Variants in CBR4 observed in about 807,000 individuals in gnomAD.
CBR4 encodes the protein 3-oxoacyl-[acyl-carrier-protein] reductase.
A neutral mutation model predicts 21.0 loss-of-function variants in CBR4; 22 were observed. The observed-to-expected ratio is 1.05, with a 90% CI of 0.75 to 1.50. CBR4 has a LOEUF of 1.50. Ranked by LOEUF, CBR4 falls within the 40% of genes most tolerant of loss-of-function variation. The pLI, the probability that CBR4 is intolerant of heterozygous loss-of-function variation, is 0.00. For missense variants in CBR4, 302 were observed against 286.3 expected (o/e 1.05, Z -0.40); for synonymous variants, 100 against 104.4 (o/e 0.96, Z 0.26).
chr4:168,938,102 TAACA>T (rs1475551873), intron 2 of CBR4, among the ~76,000 whole-genome samples: 1 of 152,174 alleles, frequency 6.6e-6, no homozygotes, highest in Non-Finnish European at 1.5e-5. Flanking sequence ...ATGGAAATCA[TAACA>T]AACAGTCTGT....
In CBR4 at chr4:168,988,100, C is replaced by G. The variant is rs1223276384; in HGVS notation, c.*2050G>C. On this transcript the variant is annotated 3_prime_UTR_variant, in exon 5 of 5. Coordinates refer to ENST00000306193, the MANE Select transcript of CBR4 (RefSeq NM_032783.5). ...TGAATTCACTGAGGTTCTTAAACCTCTGAACATAAGGCAACAGTTCACAAC... is the reference window on the plus strand; with the variant it reads ...TGAATTCACTGAGGTTCTTAAACCTGTGAACATAAGGCAACAGTTCACAAC... 20 of 985,202 alleles carry G rather than the reference C, an allele frequency of 2.0e-5. No individual in the cohort carries two copies. Among genetic ancestry groups the G allele is most frequent in the Non-Finnish European group, 2.4e-5 (20 of 829,886 alleles). 61.0% of individuals were successfully genotyped at this position (985,202 alleles called of 1,614,324 possible). A position where few individuals can be genotyped will look rare whatever the true frequency, so the allele number is the denominator to read the frequency against.
At position 168,905,790 on chromosome 4, in the gene CBR4, CTTT is replaced by C. The variant is rs59427697; in HGVS notation, n.170-11028_170-11026del. On this transcript the variant is annotated intron_variant and non_coding_transcript_variant, in intron 2 of 3. Coordinates refer to the CBR4 transcript ENST00000509108. ...ACAAAAGCGGAACTTGCTTTTTTTT[CTTT>C]TTTTTTTTTTTTTTTTTCTTTTTTG... Among the ~76,000 whole-genome samples the C allele has an allele frequency of 6.4e-3, 719 of 113,136 alleles. 5 individuals carry two copies. Among genetic ancestry groups the C allele is most frequent in the African/African-American group, 0.021 (669 of 31,150 alleles). The allele number at this position is 113,136 out of a possible 152,430, so 74.2% of individuals were successfully genotyped here. A position where few individuals can be genotyped will look rare whatever the true frequency, so the allele number is the denominator to read the frequency against.
intron 2 of CBR4, among the ~76,000 whole-genome samples, chr4:168,961,952 G>GGAGAGGAGAC (rs1361776995): frequency 7.1e-4 from 1 of 1,418 alleles, no homozygotes; most frequent in Non-Finnish European, 1.6e-3. Flanking sequence ...GGAGAGGAGA[G>GGAGAGGAGAC]GAGAGGAGAG....
chr4:169,000,203 G>A (rs1343909609), intron 4 of CBR4, among the ~76,000 whole-genome samples: 1 of 152,076 alleles, frequency 6.6e-6, no homozygotes, highest in Non-Finnish European at 1.5e-5. Context: ...AAATCAATCA[G>A]CTTGCATAAA....
At chr4:169,005,874 G>A (rs1163369958) in intron 3 of CBR4, 1 of 1,287,604 alleles carries the variant, frequency 7.8e-7, no homozygotes, top group South Asian at 1.2e-5. Flanking sequence ...TAAAAGAACA[G>A]GGTCACTTAC....
intron 2 of CBR4, among the ~76,000 whole-genome samples, chr4:168,977,493 A>G (rs1242750281): frequency 1.3e-5 from 2 of 152,210 alleles, no homozygotes; most frequent in African/African-American, 4.8e-5. Context: ...AGTGCCTGAC[A>G]ATAGTAAATA....
intron 2 of CBR4, among the ~76,000 whole-genome samples, chr4:168,934,481 T>C (rs1423457605): frequency 6.6e-6 from 1 of 150,530 alleles, no homozygotes; most frequent in East Asian, 2.0e-4. Context: ...ATAAACAAAA[T>C]CAAAAACAAA....
At chr4:168,986,640 T>C (rs1438677062), downstream of CBR4, among the ~76,000 whole-genome samples, 8 of 152,174 alleles carry the variant, frequency 5.3e-5, no homozygotes, top group African/African-American at 1.9e-4. Flanking sequence ...ATGAACAATC[T>C]GAATACTTAA....
intron 2 of CBR4, among the ~76,000 whole-genome samples, chr4:168,955,713 G>C (rs1467324239): frequency 1.3e-5 from 2 of 152,028 alleles, no homozygotes; most frequent in African/African-American, 2.4e-5. Flanking sequence ...AAGATTAAAG[G>C]CTGGGAAAAC....
intron 2 of CBR4, among the ~76,000 whole-genome samples, chr4:168,923,083 A>G (rs929018135): frequency 1.3e-5 from 2 of 152,242 alleles, no homozygotes; most frequent in Non-Finnish European, 2.9e-5. Flanking sequence ...CTGCACAGCA[A>G]TGCTGCAAAG....
At chr4:168,980,063 G>A (rs548052238) in intron 2 of CBR4, among the ~76,000 whole-genome samples, 144 of 152,154 alleles carry the variant, frequency 9.5e-4, no homozygotes, top group Middle Eastern at 6.8e-3. Flanking sequence ...GTATATCCCT[G>A]GGGTGCAACC....
rs190322269 is a variant in CBR4 at position 168,959,842 on chromosome 4, C to T, written n.169+42229G>A. On this transcript the variant is annotated intron_variant and non_coding_transcript_variant, in intron 2 of 3. Coordinates refer to the CBR4 transcript ENST00000509108. Reference sequence around the variant, plus strand: ...CCTCCCAAAGTTCTGGGATTACAGGCGTGAGCCACCACGCCCAGCCTCAAT... The same window carrying T: ...CCTCCCAAAGTTCTGGGATTACAGGTGTGAGCCACCACGCCCAGCCTCAAT... Among the ~76,000 whole-genome samples the T allele has an allele frequency of 1.6e-3, 232 of 147,824 alleles. 3 individuals are homozygous for T. Among genetic ancestry groups the T allele is most frequent in the African/African-American group, 5.1e-3 (206 of 40,150 alleles).
At position 168,995,023 on chromosome 4, in the gene CBR4, G is replaced by C. The variant is rs188824104; in HGVS notation, c.536-4695C>G. ...CCTGCCTTGGTCTCCCAAAGTACTG[G>C]GATTACAGGCGTGAGCCACCATGCA... is the stretch of plus-strand genomic sequence containing the variant. On this transcript the variant is annotated intron_variant, in intron 4 of 4. Coordinates refer to ENST00000306193, the MANE Select transcript of CBR4 (RefSeq NM_032783.5). Among the ~76,000 whole-genome samples, 67 of 152,158 alleles carry C rather than the reference G, an allele frequency of 4.4e-4. No homozygotes were observed. The East Asian group carries it at 0.012, about 26-fold the overall frequency.
Position 168,913,948 on chromosome 4 carries a change from C to T in CBR4, n.170-19183G>A, listed in dbSNP as rs758884211. On this transcript the variant is annotated intron_variant and non_coding_transcript_variant, in intron 2 of 3. Transcript: ENST00000509108. ...ACAGGGCCGCATCAGTTGTACTGGA[C>T]GGCTAATGGTACAGGCTGTCAACCA... 3.7e-6 allele frequency: 6 copies of T among 1,611,674 alleles called. No individual in the cohort carries two copies. Among genetic ancestry groups the T allele is most frequent in the African/African-American group, 1.3e-5 (1 of 74,886 alleles).
chr4:168,988,346 C>T lies in CBR4; in HGVS notation c.*1804G>A, dbSNP rs962183038. 2 of 985,204 alleles carry T rather than the reference C, an allele frequency of 2.0e-6. No homozygotes were observed. Among genetic ancestry groups the T allele is most frequent in the Non-Finnish European group, 2.4e-6 (2 of 829,894 alleles). 61.0% of individuals were successfully genotyped at this position (985,204 alleles called of 1,614,324 possible). A position where few individuals can be genotyped will look rare whatever the true frequency, so the allele number is the denominator to read the frequency against. ...TAAAAACATACACTTAAAGGCTAAA[C>T]CTATCTATAACCTACATCTTAATGT... On this transcript the variant is annotated 3_prime_UTR_variant, in exon 5 of 5. Transcript: ENST00000306193.
chr4:169,010,209 CAA>C lies in CBR4; in HGVS notation c.-122_-121del. On this transcript the variant is annotated 5_prime_UTR_variant, in exon 1 of 5. Coordinates refer to ENST00000306193, the MANE Select transcript of CBR4 (RefSeq NM_032783.5). Reference sequence around the variant, plus strand: ...AAAAAAGAAAAAAAAAGGCAAACCGCAAAAAAAAATAACGCCGCTCGACACCT... The same window carrying C: ...AAAAAAGAAAAAAAAAGGCAAACCGCAAAAAAATAACGCCGCTCGACACCT... The C allele has an allele frequency of 2.7e-6, 2 of 732,164 alleles. No homozygotes were observed. The highest frequency in any genetic ancestry group is 4.0e-6 in the Non-Finnish European group (2 of 499,232). The allele number at this position is 732,164 out of a possible 1,614,324, so 45.4% of individuals were successfully genotyped here. A position where few individuals can be genotyped will look rare whatever the true frequency, so the allele number is the denominator to read the frequency against.
At chr4:168,929,650 T>C (rs1047334482) in intron 2 of CBR4, among the ~76,000 whole-genome samples, 3 of 152,056 alleles carry the variant, frequency 2.0e-5, no homozygotes, top group Non-Finnish European at 4.4e-5. Context: ...AGTGTTGGAG[T>C]TGGCCAACCA....
intron 4 of CBR4, chr4:169,001,859 C>A: frequency 2.9e-6 from 1 of 343,862 alleles, no homozygotes. Context: ...TCAGACAGTC[C>A]TTTAGAGCAA....
In CBR4 at chr4:168,944,559, C is replaced by T. The variant is rs9993789; in HGVS notation, n.170-49794G>A. 7.9e-3 allele frequency among the ~76,000 whole-genome samples: 1,194 copies of T among 151,956 alleles called. 18 individuals are homozygous for T. Among genetic ancestry groups the T allele is most frequent in the African/African-American group, 0.027 (1,103 of 41,484 alleles). ...ATGAGTTTACTCTCAATCTGAGTCG[C>T]GCAACCTTATTTTTCTTATGAGATC... On this transcript the variant is annotated intron_variant and non_coding_transcript_variant, in intron 2 of 3. Transcript: ENST00000509108.
Sources: gnomAD v4.1 joint callset for allele counts (sites outside exome capture counted in the v4.1 genomes callset) on GRCh38, gnomAD v4.1.1 for gene constraint, MANE v1.5 for transcripts, NCBI Gene and HGNC (gene_info 2026-07-23, HGNC 2026-07-21) for gene names.